Variants in KCND3 observed in about 807,000 individuals in gnomAD.
The protein encoded by KCND3 is A-type voltage-gated potassium channel KCND3.
A neutral mutation model predicts 51.1 loss-of-function variants in KCND3; 9 were observed. The observed-to-expected ratio is 0.18, with a 90% confidence interval of 0.11 to 0.31. KCND3 has a LOEUF of 0.31. Among genes scored for constraint, KCND3 ranks in the 10% least tolerant of loss-of-function variants. The probability of loss-of-function intolerance (pLI) is 1.00; values close to 1 mark genes in which losing one functional copy is unlikely to be tolerated. For synonymous variants in KCND3, 349 were observed against 368.0 expected, an observed-to-expected ratio of 0.95 and a Z score of 0.59; for missense variants, 526 against 903.8, an observed-to-expected ratio of 0.58 and a Z score of 5.36.
At chr1:111,962,282 T>C (rs540148536) in intron 2 of KCND3, among the ~76,000 whole-genome samples, 2 of 152,310 alleles carry the variant, frequency 1.3e-5, no homozygotes, top group African/African-American at 4.8e-5. Context: ...TTGGAACACA[T>C]GCTCTTATTA....
intron 3 of KCND3, among the ~76,000 whole-genome samples, chr1:111,784,261 G>A (rs1664515746): frequency 6.6e-6 from 1 of 152,106 alleles, no homozygotes; most frequent in African/African-American, 2.4e-5. Context: ...GGGGAAACTG[G>A]TAGACAAACT....
At chr1:111,926,150 G>A (rs17029078) in intron 2 of KCND3, among the ~76,000 whole-genome samples, 1,549 of 152,166 alleles carry the variant, frequency 0.01, 29 homozygotes, top group African/African-American at 0.035. Flanking sequence ...TGTGGTTCCC[G>A]TGGCATAAGA....
chr1:111,958,575 C>T (rs758940301), intron 2 of KCND3, among the ~76,000 whole-genome samples: 18 of 152,218 alleles, frequency 1.2e-4, no homozygotes, highest in Non-Finnish European at 2.5e-4. Flanking sequence ...TAAAACACAT[C>T]GCCATTTAAC....
At chr1:111,881,421 A>G (rs1304842589) in intron 2 of KCND3, among the ~76,000 whole-genome samples, 1 of 152,236 alleles carries the variant, frequency 6.6e-6, no homozygotes, top group Non-Finnish European at 1.5e-5. Flanking sequence ...AAGTCCCAAC[A>G]GCTGCCCGCA....
chr1:111,879,332 A>G (rs2101733550), intron 2 of KCND3, among the ~76,000 whole-genome samples: 1 of 152,306 alleles, frequency 6.6e-6, no homozygotes, highest in African/African-American at 2.4e-5. Context: ...GGGTTTTTGC[A>G]TGTAACCGGT....
intron 2 of KCND3, among the ~76,000 whole-genome samples, chr1:111,796,782 A>G (rs2101532367): frequency 6.6e-6 from 1 of 152,342 alleles, no homozygotes; most frequent in African/African-American, 2.4e-5. Flanking sequence ...AAACTTTCAA[A>G]GTGGCATGAA....
intron 2 of KCND3, among the ~76,000 whole-genome samples, chr1:111,870,172 G>C (rs1291593181): frequency 2.0e-5 from 3 of 152,200 alleles, no homozygotes; most frequent in African/African-American, 7.2e-5. Context: ...GCACAGAGAA[G>C]ATAAGCAACT....
chr1:111,862,632 A>G (rs1668389279), intron 2 of KCND3, among the ~76,000 whole-genome samples: 2 of 152,198 alleles, frequency 1.3e-5, no homozygotes, highest in Non-Finnish European at 2.9e-5. Context: ...ATAGGCTCTG[A>G]TGCAATATTG....
intron 2 of KCND3, among the ~76,000 whole-genome samples, chr1:111,843,193 G>A (rs970215109): frequency 2.0e-5 from 3 of 152,146 alleles, no homozygotes; most frequent in Admixed American, 6.5e-5. Context: ...AACAGTCTCC[G>A]GAGTTTGGGG....
At chr1:111,940,639 A>C (rs1334404978) in intron 2 of KCND3, among the ~76,000 whole-genome samples, 1 of 152,156 alleles carries the variant, frequency 6.6e-6, no homozygotes, top group Non-Finnish European at 1.5e-5. Flanking sequence ...GCCTCCCACA[A>C]GGTGATTTAT....
intron 2 of KCND3, among the ~76,000 whole-genome samples, chr1:111,967,994 G>A (rs1477524668): frequency 6.6e-6 from 1 of 152,196 alleles, no homozygotes; most frequent in Non-Finnish European, 1.5e-5. Context: ...CAGGCATAAA[G>A]CACTTAACTC....
chr1:111,907,426 A>G (rs1202733648), intron 2 of KCND3, among the ~76,000 whole-genome samples: 2 of 152,192 alleles, frequency 1.3e-5, no homozygotes, highest in Non-Finnish European at 1.5e-5. Context: ...TCTCAGATCA[A>G]CTGCCCTTGT....
intron 2 of KCND3, among the ~76,000 whole-genome samples, chr1:111,829,895 C>G (rs1228656181): frequency 6.6e-6 from 1 of 152,218 alleles, no homozygotes; most frequent in Non-Finnish European, 1.5e-5. Context: ...TTTGATTTCT[C>G]CCAGGTAGCA....
chr1:111,888,681 C>CAAAAAAA (rs34732548), intron 2 of KCND3, among the ~76,000 whole-genome samples: 3 of 103,606 alleles, frequency 2.9e-5, no homozygotes, highest in Non-Finnish European at 4.0e-5. Context: ...CACTCCATCT[C>CAAAAAAA]AAAAAAAAAA....
intron 2 of KCND3, among the ~76,000 whole-genome samples, chr1:111,923,537 T>C (rs1671568600): frequency 6.6e-6 from 1 of 152,212 alleles, no homozygotes; most frequent in Non-Finnish European, 1.5e-5. Context: ...TGAAAGTTTA[T>C]AGAAGCATCC....
chr1:111,931,427 C>T (rs1571865928), intron 2 of KCND3, among the ~76,000 whole-genome samples: 1 of 152,180 alleles, frequency 6.6e-6, no homozygotes, highest in East Asian at 1.9e-4. Context: ...TGTAGAGTTC[C>T]CCCTGAGAGC....
At chr1:111,978,550 A>T (rs557586468) in intron 2 of KCND3, among the ~76,000 whole-genome samples, 2 of 152,232 alleles carry the variant, frequency 1.3e-5, no homozygotes, top group Non-Finnish European at 2.9e-5. Context: ...GAAACTAGCC[A>T]TGGAAGAGGG....
chr1:111,911,405 G>A (rs1215523162), intron 2 of KCND3, among the ~76,000 whole-genome samples: 2 of 152,204 alleles, frequency 1.3e-5, no homozygotes, highest in Non-Finnish European at 2.9e-5. Flanking sequence ...CCTAGGACTT[G>A]CTAATCAGAA....
intron 2 of KCND3, among the ~76,000 whole-genome samples, chr1:111,957,009 A>G (rs534854234): frequency 3.9e-4 from 59 of 152,298 alleles, no homozygotes; most frequent in African/African-American, 1.3e-3. Flanking sequence ...CGCTATGTTT[A>G]AGACAGAACG....
Sources: allele counts gnomAD v4.1 joint callset (sites outside exome capture counted in the v4.1 genomes callset), GRCh38; gene constraint gnomAD v4.1.1; transcripts MANE v1.5; gene names NCBI Gene and HGNC (gene_info 2026-07-23, HGNC 2026-07-21).